The following ABCA12 variants were observed in gnomAD, a reference collection of about 807,000 sequenced individuals.
ABCA12 encodes the protein glucosylceramide transporter ABCA12.
In ABCA12, 156 loss-of-function variants were observed where a neutral mutation model predicts 293.5. The ratio of observed to expected loss-of-function variants is 0.53; its 90% CI spans 0.47 to 0.61. The LOEUF is 0.61. ABCA12 is among the 20% of genes least tolerant of loss of function. The pLI, the probability that ABCA12 is intolerant of heterozygous loss-of-function variation, is 0.00. For missense variants in ABCA12, 2,797 were observed against 3,090.2 expected (o/e 0.91, Z 2.25); for synonymous variants, 1,063 against 1,108.0 (o/e 0.96, Z 0.81).
At chr2:214,979,090 G>A (rs1699591596) in intron 31 of ABCA12, 50 bp from the exon 32 acceptor site, 1 of 1,524,474 alleles carries the variant, frequency 6.6e-7, no homozygotes, top group Admixed American at 1.7e-5. Context: ...TTACACTATA[G>A]TGCTCCAGGC....
chr2:215,054,446 A>C, intron 4 of ABCA12, 127 bp downstream of exon 4: 1 of 808,896 alleles, frequency 1.2e-6, no homozygotes. Context: ...AGGAACGTTT[A>C]GATCTCACAG....
rs1700543757 is a variant in ABCA12, at chr2:215,018,002, C to T, written c.1782+6G>A. 6.2e-7 allele frequency: 1 copy of T among 1,613,944 alleles called. No homozygotes were observed. Among genetic ancestry groups the T allele is most frequent in the South Asian group, 1.1e-5 (1 of 91,082 alleles). On this transcript the variant is annotated splice_donor_region_variant and intron_variant, in intron 14 of 52. Transcript: ENST00000272895. ...TGCATGTAAGTACAAACACATGACACCCCACCTCAGCTCTATTATCAGGGA... is the reference window on the plus strand; with the variant it reads ...TGCATGTAAGTACAAACACATGACATCCCACCTCAGCTCTATTATCAGGGA...
chr2:214,986,694 A>G lies in ABCA12; in HGVS notation c.4011T>C (p.Pro1337=). The G allele has an allele frequency of 6.2e-7, 1 of 1,614,132 alleles. No homozygotes were observed. ...PEYMFSSNIE[P]EPKDLTVGVA... Reference sequence around the variant, plus strand: ...CCCCGACTGTGAGATCTTTAGGTTCAGGCTCGATGTTAGAGGAAAACATGT... The same window carrying G: ...CCCCGACTGTGAGATCTTTAGGTTCGGGCTCGATGTTAGAGGAAAACATGT... The change falls in exon 28 of 53, where the codon CCT becomes CCC. Residue 1337 remains proline, a synonymous_variant. Transcript: ENST00000272895.
At chr2:215,047,082 T>C (rs1049079878) in intron 6 of ABCA12, among the ~76,000 whole-genome samples, 2 of 152,116 alleles carry the variant, frequency 1.3e-5, no homozygotes, top group Admixed American at 6.6e-5. Flanking sequence ...CAGAGCTGGA[T>C]AGGGGGAGGG....
At chr2:215,039,400 A>G (rs1324621892) in intron 7 of ABCA12, among the ~76,000 whole-genome samples, 1 of 152,218 alleles carries the variant, frequency 6.6e-6, no homozygotes, top group Non-Finnish European at 1.5e-5. Flanking sequence ...TCATAATAAT[A>G]AACAGCTGAC....
Position 214,932,595 on chromosome 2 carries a change from G to A in ABCA12, c.*39C>T, listed in dbSNP as rs1322452993. The A allele has an allele frequency of 7.0e-7, 1 of 1,428,336 alleles. No individual in the cohort carries two copies. The highest frequency in any genetic ancestry group is 2.3e-5 in the East Asian group (1 of 43,862). 88.5% of individuals were successfully genotyped at this position (1,428,336 alleles called of 1,614,324 possible). The stretch of plus-strand genomic sequence containing the variant: ...TTCTGTGGCTTTTCTTCAAAATGAA[G>A]CCATTGGTCACACGCTGAGATTGAG... On this transcript the variant is annotated 3_prime_UTR_variant, in exon 53 of 53. Transcript: ENST00000272895.
At chr2:215,098,780 A>G (rs1237592373) in intron 2 of ABCA12, among the ~76,000 whole-genome samples, 1 of 152,240 alleles carries the variant, frequency 6.6e-6, no homozygotes, top group Non-Finnish European at 1.5e-5. Flanking sequence ...AAAATCTTTG[A>G]AAGTAAATGT....
chr2:214,979,267 C>G (rs2105962578), intron 31 of ABCA12, among the ~76,000 whole-genome samples: 1 of 152,152 alleles, frequency 6.6e-6, no homozygotes, highest in South Asian at 2.1e-4. Context: ...CTCATTTGCT[C>G]TACTCTAGCA....
chr2:215,077,439 C>G (rs1701855622), intron 2 of ABCA12, among the ~76,000 whole-genome samples: 1 of 152,042 alleles, frequency 6.6e-6, no homozygotes, highest in African/African-American at 2.4e-5. Context: ...ACTCATTTAC[C>G]TAGGTTTCAT....
chr2:215,004,294 A>T lies in ABCA12; in HGVS notation c.2598T>A (p.Thr866=). The T allele has an allele frequency of 6.2e-7, 1 of 1,609,802 alleles. No individual in the cohort carries two copies. Among genetic ancestry groups the T allele is most frequent in the African/African-American group, 1.3e-5 (1 of 74,988 alleles). The change falls in exon 20 of 53, where the codon ACT becomes ACA. Residue 866 remains threonine, a synonymous_variant. Transcript: ENST00000272895. ...LNQAIPMLQN[T]LRNPFVQVFV... ...AAACTTGCACAAAAGGGTTCCTTAG[A>T]GTATTCTAACAAATAATAATTAAAA...
chr2:214,941,843 T>C (rs1212871655), intron 50 of ABCA12, among the ~76,000 whole-genome samples: 2 of 152,098 alleles, frequency 1.3e-5, no homozygotes, highest in Non-Finnish European at 2.9e-5. Flanking sequence ...TTTGAGCCCA[T>C]GTGTGTCTCT....
intron 2 of ABCA12, among the ~76,000 whole-genome samples, chr2:215,070,179 C>G (rs148277657): frequency 7.2e-5 from 11 of 151,954 alleles, no homozygotes; most frequent in Admixed American, 5.2e-4. Context: ...TGTTGTAGAG[C>G]CTTTCAGTAT....
intron 47 of ABCA12, chr2:214,947,955 G>C: frequency 3.9e-6 from 1 of 259,104 alleles, no homozygotes; most frequent in South Asian, 4.6e-5. Flanking sequence ...GGGGTGAGTT[G>C]TCACAAAGGC....
intron 7 of ABCA12, among the ~76,000 whole-genome samples, chr2:215,037,702 T>A (rs1232465966): frequency 2.0e-5 from 3 of 152,146 alleles, no homozygotes; most frequent in Non-Finnish European, 2.9e-5. Context: ...GGATAGAAAA[T>A]CAGAAAATTC....
chr2:215,064,965 T>G, intron 2 of ABCA12, among the ~76,000 whole-genome samples: 1 of 152,012 alleles, frequency 6.6e-6, no homozygotes, highest in East Asian at 1.9e-4. Context: ...TTATCCTATA[T>G]ACACAACTTC....
chr2:215,099,691 CAAAAA>C (rs66500510), intron 2 of ABCA12, among the ~76,000 whole-genome samples: 1 of 117,838 alleles, frequency 8.5e-6, no homozygotes, highest in Non-Finnish European at 1.8e-5. Context: ...GACTTCATCT[CAAAAA>C]AAAAAAAAAA....
chr2:214,968,723 G>C lies in ABCA12; in HGVS notation c.5775C>G (p.Ala1925=). 1 of 1,612,906 alleles carries C rather than the reference G, an allele frequency of 6.2e-7. No homozygotes were observed. Among genetic ancestry groups the C allele is most frequent in the African/African-American group, 1.3e-5 (1 of 74,956 alleles). Residue 1925 remains alanine (A), a synonymous_variant, in exon 38 of 53, where the codon GCC becomes GCG. Coordinates refer to ENST00000272895, the MANE Select transcript of ABCA12 (RefSeq NM_173076.3). ...CAGAAAAAAGATCAAAATTTACCTTGGCAAGTGTTCTATTGGCAGGGACTC... is the reference window on the plus strand; with the variant it reads ...CAGAAAAAAGATCAAAATTTACCTTCGCAAGTGTTCTATTGGCAGGGACTC... ...ITGVPANRTL[A]KVWYDPEGYH...
In ABCA12 at chr2:215,052,477, A is replaced by T; in HGVS notation, c.507+10T>A. On this transcript the variant is annotated intron_variant, in intron 5 of 52. Coordinates refer to ENST00000272895, the MANE Select transcript of ABCA12 (RefSeq NM_173076.3). ...ATCACTCTACCCATTACAAAATTGA[A>T]TCAAGTTACCTTTTCCAAGCCAAGA... is the stretch of plus-strand genomic sequence containing the variant. 1 of 1,609,586 alleles carries T rather than the reference A, an allele frequency of 6.2e-7. No individual in the cohort carries two copies. The highest frequency in any genetic ancestry group is 1.1e-5 in the South Asian group (1 of 91,000).
In ABCA12 at chr2:214,947,439, G is replaced by A. The variant is rs977651634; in HGVS notation, c.7222C>T (p.Pro2408Ser). 14 of 1,613,904 alleles carry A rather than the reference G, an allele frequency of 8.7e-6. No homozygotes were observed. The Middle Eastern group carries it at 5.0e-4, about 57-fold the overall frequency. Residue 2408 changes from proline to serine, a missense_variant, in exon 48 of 53, where the codon CCT becomes TCT. Physicochemically the swap from Pro to Ser is moderately conservative, Grantham distance 74. Around this residue, in one of 3 missense-constraint regions of ABCA12, gnomAD observed 2,130 missense variants for 2,427.0 expected, o/e 0.88. Transcript: ENST00000272895. ...TCTCTTACCAGCAGTAGAATGGAAGGTTTCCCTATCAAGGCCAGTGCAGTG... is the reference window on the plus strand; with the variant it reads ...TCTCTTACCAGCAGTAGAATGGAAGATTTCCCTATCAAGGCCAGTGCAGTG... ...LSTALALIGK[P>S]SILLLDEPSS...
Sources: allele counts gnomAD v4.1 joint callset (sites outside exome capture counted in the v4.1 genomes callset), GRCh38; gene constraint gnomAD v4.1.1; regional missense constraint gnomAD v4.1.1; transcripts MANE v1.5; gene names NCBI Gene and HGNC (gene_info 2026-07-23, HGNC 2026-07-21).